Variants in CTNNA3 observed in about 807,000 individuals in gnomAD.
The protein encoded by CTNNA3 is catenin alpha-3.
CTNNA3 carries 76 observed loss-of-function variants against 95.7 expected under a neutral mutation model. The observed-to-expected ratio is 0.79, with a 90% CI of 0.66 to 0.96. The LOEUF (loss-of-function observed/expected upper bound fraction) is 0.96. Among genes scored for constraint, CTNNA3 ranks in the 40% least tolerant of loss-of-function variants. The pLI is 0.00. For missense variants in CTNNA3, 1,191 were observed against 1,089.8 expected (o/e 1.09, Z -1.31); for synonymous variants, 431 against 374.4 (o/e 1.15, Z -1.74).
chr10:66,156,214 C>T (rs1470494648), intron 13 of CTNNA3, among the ~76,000 whole-genome samples: 1 of 151,810 alleles, frequency 6.6e-6, no homozygotes, highest in Non-Finnish European at 1.5e-5. Flanking sequence ...AGACTTGGAG[C>T]TGAAGAAGCT....
At chr10:67,235,917 C>T (rs1387336602) in intron 5 of CTNNA3, among the ~76,000 whole-genome samples, 3 of 145,190 alleles carry the variant, frequency 2.1e-5, no homozygotes, top group Non-Finnish European at 4.5e-5. Flanking sequence ...AAAATGCTCA[C>T]CATCACTGGC....
intron 7 of CTNNA3, chr10:67,097,575 A>G (rs1173562157): frequency 4.3e-6 from 7 of 1,610,412 alleles, no homozygotes; most frequent in African/African-American, 1.3e-5. Context: ...TTCTCATGTC[A>G]TTTTTCCCCA....
chr10:66,487,563 C>T (rs562856873), intron 11 of CTNNA3, among the ~76,000 whole-genome samples: 1 of 152,022 alleles, frequency 6.6e-6, no homozygotes, highest in Non-Finnish European at 1.5e-5. Flanking sequence ...ACTCCCCAGC[C>T]GCCTGGCCCA....
chr10:66,473,452 C>A (rs1839206525), intron 11 of CTNNA3, among the ~76,000 whole-genome samples: 1 of 151,980 alleles, frequency 6.6e-6, no homozygotes, highest in Non-Finnish European at 1.5e-5. Flanking sequence ...ACCTTTCAAC[C>A]ATGTGAAACT....
chr10:66,134,761 A>C (rs1489898409), intron 13 of CTNNA3, among the ~76,000 whole-genome samples: 2 of 152,160 alleles, frequency 1.3e-5, no homozygotes, highest in African/African-American at 4.8e-5. Context: ...TATAAAGGTC[A>C]AAATGTCACA....
At chr10:66,294,914 G>GAGAGAGAGAGA (rs1554924832) in intron 12 of CTNNA3, among the ~76,000 whole-genome samples, 6 of 150,500 alleles carry the variant, frequency 4.0e-5, no homozygotes, top group African/African-American at 1.2e-4. Flanking sequence ...GAGAGAGAGA[G>GAGAGAGAGAGA]GGATTTGGTA....
At chr10:66,516,284 A>G (rs1289033730) in intron 11 of CTNNA3, among the ~76,000 whole-genome samples, 2 of 152,264 alleles carry the variant, frequency 1.3e-5, no homozygotes, top group African/African-American at 2.4e-5. Flanking sequence ...CTAAACTAAT[A>G]TAAGATAAGC....
At chr10:67,102,443 T>G (rs923262962) in intron 7 of CTNNA3, among the ~76,000 whole-genome samples, 12 of 151,842 alleles carry the variant, frequency 7.9e-5, no homozygotes, top group African/African-American at 2.9e-4. Context: ...GCAACTTATA[T>G]TTAATTTATT....
intron 10 of CTNNA3, among the ~76,000 whole-genome samples, chr10:66,552,904 AT>A (rs1389652466): frequency 2.6e-5 from 4 of 152,002 alleles, no homozygotes; most frequent in East Asian, 3.9e-4. Flanking sequence ...GTTAAAAAAA[AT>A]TCTGTTCAAA....
chr10:67,540,036 T>A (rs1448565968), intron 3 of CTNNA3, among the ~76,000 whole-genome samples: 1 of 152,174 alleles, frequency 6.6e-6, no homozygotes, highest in Non-Finnish European at 1.5e-5. Context: ...AAATCTTTAT[T>A]GAGTTACTTT....
intron 7 of CTNNA3, among the ~76,000 whole-genome samples, chr10:66,799,343 T>G (rs960913024): frequency 2.6e-5 from 4 of 151,586 alleles, no homozygotes; most frequent in African/African-American, 9.7e-5. Context: ...TAATTAATAT[T>G]TCAATAAAAA....
intron 7 of CTNNA3, among the ~76,000 whole-genome samples, chr10:67,092,920 T>C (rs1384885993): frequency 6.6e-6 from 1 of 152,022 alleles, no homozygotes; most frequent in African/African-American, 2.4e-5. Context: ...CTACTACTCA[T>C]TATTACAATA....
At chr10:66,039,095 C>G (rs1440337444) in intron 15 of CTNNA3, among the ~76,000 whole-genome samples, 1 of 152,138 alleles carries the variant, frequency 6.6e-6, no homozygotes, top group Admixed American at 6.5e-5. Flanking sequence ...TTCTTACACA[C>G]CAACAACATC....
intron 15 of CTNNA3, among the ~76,000 whole-genome samples, chr10:66,032,024 TAGAA>T (rs1476201596): frequency 6.6e-6 from 1 of 152,100 alleles, no homozygotes; most frequent in East Asian, 1.9e-4. Context: ...AATTATGAAA[TAGAA>T]AGATATTTAG....
At chr10:67,179,833 T>C (rs1862424423) in intron 7 of CTNNA3, among the ~76,000 whole-genome samples, 1 of 152,024 alleles carries the variant, frequency 6.6e-6, no homozygotes, top group Non-Finnish European at 1.5e-5. Context: ...TCTATCTCCA[T>C]AAAACAACAA....
intron 10 of CTNNA3, among the ~76,000 whole-genome samples, chr10:66,589,402 T>C (rs1189475419): frequency 6.6e-6 from 1 of 152,126 alleles, no homozygotes; most frequent in Non-Finnish European, 1.5e-5. Flanking sequence ...GGTTAATCAG[T>C]ACCTGCCCCT....
At chr10:67,026,449 C>A (rs1339000612) in intron 7 of CTNNA3, among the ~76,000 whole-genome samples, 1 of 151,258 alleles carries the variant, frequency 6.6e-6, no homozygotes, top group Admixed American at 6.6e-5. Flanking sequence ...AAAATAAAAA[C>A]AAAATAATAT....
chr10:67,373,179 C>A (rs2132708466), intron 5 of CTNNA3, among the ~76,000 whole-genome samples: 1 of 152,160 alleles, frequency 6.6e-6, no homozygotes, highest in African/African-American at 2.4e-5. Context: ...CACAGACTGG[C>A]AAATTGGATA....
At chr10:66,075,374 C>G (rs1190323648) in intron 14 of CTNNA3, among the ~76,000 whole-genome samples, 1 of 151,710 alleles carries the variant, frequency 6.6e-6, no homozygotes, top group East Asian at 1.9e-4. Context: ...CAGCAATTAA[C>G]AATCCTAAAC....
Sources: allele counts gnomAD v4.1 joint callset (sites outside exome capture counted in the v4.1 genomes callset), GRCh38; gene constraint gnomAD v4.1.1; transcripts MANE v1.5; gene names NCBI Gene and HGNC (gene_info 2026-07-23, HGNC 2026-07-21).